The following HRK variants were observed in gnomAD, a reference collection of about 807,000 sequenced individuals.
HRK encodes the protein harakiri, BCL2 interacting protein, also known as activator of apoptosis harakiri.
HRK carries 6 observed loss-of-function variants against 5.9 expected under a neutral mutation model. The ratio of observed to expected loss-of-function variants is 1.02; its 90% confidence interval spans 0.56 to 2.01. The LOEUF is 2.01. HRK is among the 30% of genes most tolerant of loss of function. The probability of loss-of-function intolerance (pLI) is 0.00; values close to 1 mark genes in which losing one functional copy is unlikely to be tolerated. For synonymous variants in HRK, 85 were observed against 65.1 expected, an observed-to-expected ratio of 1.31 and a Z score of -1.47; for missense variants, 133 against 128.3, an observed-to-expected ratio of 1.04 and a Z score of -0.18.
chr12:116,875,464 T>C (rs2137253119), intron 1 of HRK, among the ~76,000 whole-genome samples: 1 of 152,336 alleles, frequency 6.6e-6, no homozygotes, highest in Non-Finnish European at 1.5e-5. Context: ...CAGAAGGTAC[T>C]CAATAATTAG....
chr12:116,875,597 A>G (rs1878896984), intron 1 of HRK, among the ~76,000 whole-genome samples: 1 of 152,062 alleles, frequency 6.6e-6, no homozygotes, highest in African/African-American at 2.4e-5. Flanking sequence ...AGGCTAGAGT[A>G]CAGTGGCGCG....
intron 1 of HRK, among the ~76,000 whole-genome samples, chr12:116,864,222 A>T (rs1300447580): frequency 1.3e-5 from 2 of 152,244 alleles, no homozygotes; most frequent in Non-Finnish European, 2.9e-5. Flanking sequence ...ACCCTGCAGC[A>T]TTAGCCTAAA....
At chr12:116,874,269 G>A (rs1194197101) in intron 1 of HRK, among the ~76,000 whole-genome samples, 2 of 152,084 alleles carry the variant, frequency 1.3e-5, no homozygotes, top group Non-Finnish European at 2.9e-5. Context: ...TTCCTGAAAC[G>A]TACTATGCAG....
rs1289664064 is a variant in HRK, at chr12:116,862,040, C to T, written c.*57-574G>A. ...ATGGGAAGAAGTGGATAATGACAGT[C>T]CCATGTAAAGAGCACATGCAGTCTG... On this transcript the variant is annotated intron_variant, in intron 1 of 1. Transcript: ENST00000257572. The surrounding 1 kb of genome is among the most constrained non-coding windows in gnomAD (Gnocchi z 4.0). Among the ~76,000 whole-genome samples the T allele has an allele frequency of 6.6e-6, 1 of 152,172 alleles. No homozygotes were observed. The highest frequency in any genetic ancestry group is 1.5e-5 in the Non-Finnish European group (1 of 68,038).
chr12:116,878,536 A>G lies in HRK; in HGVS notation c.*56+2440T>C. On this transcript the variant is annotated intron_variant, in intron 1 of 1. Transcript: ENST00000257572. The surrounding 1 kb of genome is among the most constrained non-coding windows in gnomAD (Gnocchi z 4.4). Reference sequence around the variant, plus strand: ...CCGGAGCGGCTGGTATTCTGAGGTCAGATGTAGGCTGCAGGGAGAGAACTT... The same window carrying G: ...CCGGAGCGGCTGGTATTCTGAGGTCGGATGTAGGCTGCAGGGAGAGAACTT... 1 of 152,452 alleles carries G rather than the reference A, an allele frequency of 6.6e-6. No homozygotes were observed. Among genetic ancestry groups the G allele is most frequent in the African/African-American group, 2.4e-5 (1 of 41,596 alleles). The allele number at this position is 152,452 out of a possible 1,614,324, so 9.4% of individuals were successfully genotyped here.
chr12:116,866,119 T>TTGC (rs1878536535), intron 1 of HRK, among the ~76,000 whole-genome samples: 1 of 133,276 alleles, frequency 7.5e-6, no homozygotes. Context: ...GGTGGTACCA[T>TTGC]TGCACTCCAG....
rs1878213262 is a variant in HRK, at chr12:116,858,059, A to G, written c.*3464T>C. Reference sequence around the variant, plus strand: ...ACAGAGTGAGACTCTGTCTCAAAATAAAATAGAAGAAGAAGAAGAAGTGGA... The same window carrying G: ...ACAGAGTGAGACTCTGTCTCAAAATGAAATAGAAGAAGAAGAAGAAGTGGA... On this transcript the variant is annotated 3_prime_UTR_variant, in exon 2 of 2. Transcript: ENST00000257572. 1.3e-5 allele frequency: 2 copies of G among 151,172 alleles called. No homozygotes were observed. The allele number at this position is 151,172 out of a possible 1,614,324, so 9.4% of individuals were successfully genotyped here. A position where few individuals can be genotyped will look rare whatever the true frequency, so the allele number is the denominator to read the frequency against.
intron 1 of HRK, among the ~76,000 whole-genome samples, chr12:116,873,291 C>T (rs1006539812): frequency 2.0e-4 from 30 of 152,244 alleles, no homozygotes; most frequent in African/African-American, 2.9e-4. Flanking sequence ...CATGCCACCA[C>T]GCCTGACTAC....
chr12:116,877,189 T>C (rs1878964417), intron 1 of HRK, among the ~76,000 whole-genome samples: 1 of 150,702 alleles, frequency 6.6e-6, no homozygotes, highest in African/African-American at 2.4e-5. Flanking sequence ...TACCTGAGAC[T>C]ACAGGTGCAC....
At chr12:116,873,767 G>A (rs1878839266) in intron 1 of HRK, among the ~76,000 whole-genome samples, 1 of 152,164 alleles carries the variant, frequency 6.6e-6, no homozygotes, top group East Asian at 1.9e-4. Flanking sequence ...GTTCAGTGTG[G>A]GAAAGCTCTG....
chr12:116,873,887 G>A (rs1483370850), intron 1 of HRK, among the ~76,000 whole-genome samples: 1 of 152,080 alleles, frequency 6.6e-6, no homozygotes, highest in Non-Finnish European at 1.5e-5. Context: ...TTATTGATGT[G>A]GGCTAAATCA....
chr12:116,866,634 C>T (rs1033476205), intron 1 of HRK, among the ~76,000 whole-genome samples: 1 of 152,102 alleles, frequency 6.6e-6, no homozygotes, highest in African/African-American at 2.4e-5. Flanking sequence ...CTCCTTGGCC[C>T]AGCTCTCTTC....
Position 116,881,225 on chromosome 12 carries a change from G to T in HRK, c.83C>A (p.Ser28Tyr). Residue 28 changes from serine (S) to tyrosine (Y), a missense_variant, in exon 1 of 2, where the codon TCC (serine) becomes TAC (tyrosine). By Grantham distance (144) the Ser-to-Tyr change is moderately radical (BLOSUM62 -2). Coordinates refer to ENST00000257572, the MANE Select transcript of HRK (RefSeq NM_003806.4). Reference sequence around the variant, plus strand: ...CCGGGCGGCGGTGAGCTGCGCGGCGGACGAGCGCAGCCCCAGGCGACCCGC... The same window carrying T: ...CCGGGCGGCGGTGAGCTGCGCGGCGTACGAGCGCAGCCCCAGGCGACCCGC... The part of the protein sequence containing the change: ...CSAGRLGLRS[S>Y]AAQLTAARLK... The T allele has an allele frequency of 9.0e-7, 1 of 1,112,640 alleles. No homozygotes were observed. Among genetic ancestry groups the T allele is most frequent in the South Asian group, 4.3e-5 (1 of 23,274 alleles). 68.9% of individuals were successfully genotyped at this position (1,112,640 alleles called of 1,614,324 possible). A position where few individuals can be genotyped will look rare whatever the true frequency, so the allele number is the denominator to read the frequency against.
Position 116,880,970 on chromosome 12 carries a change from G to A in HRK, c.*56+6C>T. The A allele has an allele frequency of 1.7e-6, 2 of 1,202,030 alleles. No individual in the cohort carries two copies. Among genetic ancestry groups the A allele is most frequent in the Non-Finnish European group, 2.1e-6 (2 of 946,862 alleles). The allele number at this position is 1,202,030 out of a possible 1,614,324, so 74.5% of individuals were successfully genotyped here. A position where few individuals can be genotyped will look rare whatever the true frequency, so the allele number is the denominator to read the frequency against. On this transcript the variant is annotated splice_donor_region_variant and intron_variant, in intron 1 of 1. Coordinates refer to ENST00000257572, the MANE Select transcript of HRK (RefSeq NM_003806.4). Reference sequence around the variant, plus strand: ...CGCCCCGGCTCTCGCTCGCTCGCTCGCGTACCTGTTGCTCGCTCCGGCTGG... The same window carrying A: ...CGCCCCGGCTCTCGCTCGCTCGCTCACGTACCTGTTGCTCGCTCCGGCTGG...
intron 1 of HRK, among the ~76,000 whole-genome samples, chr12:116,864,151 G>A (rs1050762364): frequency 6.6e-6 from 1 of 152,162 alleles, no homozygotes; most frequent in Admixed American, 6.5e-5. Flanking sequence ...ACCAGCTTTT[G>A]TAACCCCTAA....
chr12:116,864,908 C>A (rs1045174029), intron 1 of HRK, among the ~76,000 whole-genome samples: 6 of 152,176 alleles, frequency 3.9e-5, no homozygotes, highest in Admixed American at 6.5e-5. Context: ...GATGTGTTCC[C>A]TTAAACTTGG....
At position 116,881,415 on chromosome 12, in the gene HRK, G is replaced by A; in HGVS notation, c.-108C>T. ...CTCCAGCCGCCGGGGGCCTCCCCTG[G>A]ACACCAAGTTTCTCCTTGTGTTGTG... On this transcript the variant is annotated 5_prime_UTR_variant, in exon 1 of 2. Transcript: ENST00000257572. 1.1e-6 allele frequency: 1 copy of A among 924,902 alleles called. No individual in the cohort carries two copies. Among genetic ancestry groups the A allele is most frequent in the Non-Finnish European group, 1.3e-6 (1 of 771,444 alleles). The allele number at this position is 924,902 out of a possible 1,614,324, so 57.3% of individuals were successfully genotyped here. A position where few individuals can be genotyped will look rare whatever the true frequency, so the allele number is the denominator to read the frequency against.
chr12:116,871,027 T>C (rs1257833739), intron 1 of HRK, among the ~76,000 whole-genome samples: 1 of 151,890 alleles, frequency 6.6e-6, no homozygotes, highest in Non-Finnish European at 1.5e-5. Flanking sequence ...CAAGCGATTC[T>C]CTTGCCTCAG....
chr12:116,871,948 A>T (rs1878769542), intron 1 of HRK, among the ~76,000 whole-genome samples: 1 of 141,580 alleles, frequency 7.1e-6, no homozygotes, highest in Non-Finnish European at 1.5e-5. Context: ...TGGGGGTCTC[A>T]CTCTGTTGTC....
Sources: allele counts gnomAD v4.1 joint callset (sites outside exome capture counted in the v4.1 genomes callset), GRCh38; gene constraint gnomAD v4.1.1; non-coding constraint Gnocchi (gnomAD v3.1); transcripts MANE v1.5; gene names NCBI Gene and HGNC (gene_info 2026-07-23, HGNC 2026-07-21).